Variants in SCYL3 observed in about 807,000 individuals in gnomAD.
The protein encoded by SCYL3 is SCY1 like pseudokinase 3.
A neutral mutation model predicts 73.8 loss-of-function variants in SCYL3; 35 were observed. The ratio of observed to expected loss-of-function variants is 0.47; its 90% confidence interval spans 0.36 to 0.63. The LOEUF (loss-of-function observed/expected upper bound fraction) is 0.63, where lower values mean the gene tolerates loss of function less well. SCYL3 is among the 20% of genes least tolerant of loss of function. The probability of loss-of-function intolerance (pLI) is 0.00; values close to 1 mark genes in which losing one functional copy is unlikely to be tolerated. For missense variants in SCYL3, 712 were observed against 798.9 expected, an observed-to-expected ratio of 0.89 and a Z score of 1.31; for synonymous variants, 277 against 295.2, an observed-to-expected ratio of 0.94 and a Z score of 0.63.
chr1:169,881,162 A>G (rs529832393), intron 2 of SCYL3, among the ~76,000 whole-genome samples: 7 of 152,328 alleles, frequency 4.6e-5, no homozygotes, highest in African/African-American at 1.7e-4. Flanking sequence ...TGAATGTACA[A>G]TTAATATGTA....
Position 169,852,070 on chromosome 1 carries a change from T to C in SCYL3, c.*1643A>G, listed in dbSNP as rs1481773475. 2 of 1,257,752 alleles carry C rather than the reference T, an allele frequency of 1.6e-6. No individual in the cohort carries two copies. The highest frequency in any genetic ancestry group is 3.0e-5 in the African/African-American group (2 of 67,164). The allele number at this position is 1,257,752 out of a possible 1,614,324, so 77.9% of individuals were successfully genotyped here. A position where few individuals can be genotyped will look rare whatever the true frequency, so the allele number is the denominator to read the frequency against. The stretch of plus-strand genomic sequence containing the variant: ...ATCAAATAGATCTAGACATGTAAAA[T>C]TCTGTTTTATGGTAGTTGCTTTTAA... On this transcript the variant is annotated 3_prime_UTR_variant, in exon 13 of 13. Coordinates refer to ENST00000367771, the MANE Select transcript of SCYL3 (RefSeq NM_020423.7).
intron 1 of SCYL3, 26 bp from the exon 2 acceptor site, chr1:169,888,916 A>G (rs756317760): frequency 8.4e-5 from 114 of 1,355,174 alleles, no homozygotes; most frequent in Non-Finnish European, 1.1e-4. Flanking sequence ...AAACAATTTC[A>G]AACATTAAAT....
At chr1:169,889,079 G>C (rs1477470630) in intron 1 of SCYL3, among the ~76,000 whole-genome samples, 189 bp from the exon 2 acceptor site, 3 of 152,172 alleles carry the variant, frequency 2.0e-5, no homozygotes, top group Non-Finnish European at 4.4e-5. Context: ...AACAGCTCTA[G>C]AGAAAATGCA....
intron 1 of SCYL3, among the ~76,000 whole-genome samples, chr1:169,892,302 G>A (rs892103977): frequency 6.6e-6 from 1 of 152,110 alleles, no homozygotes; most frequent in Admixed American, 6.5e-5. Context: ...TGTTGCTGCT[G>A]GCCTAGAGTG....
chr1:169,861,457 A>G (rs1659644389), intron 10 of SCYL3, among the ~76,000 whole-genome samples: 1 of 152,220 alleles, frequency 6.6e-6, no homozygotes, highest in African/African-American at 2.4e-5. Flanking sequence ...GCAGCCTCTC[A>G]GCCACCCCTT....
chr1:169,882,736 A>T (rs1001449485), intron 2 of SCYL3, among the ~76,000 whole-genome samples: 1 of 151,948 alleles, frequency 6.6e-6, no homozygotes, highest in Non-Finnish European at 1.5e-5. Context: ...GTATCTAGCT[A>T]CTCTGGTGGG....
chr1:169,870,629 AAT>A (rs1273705566), intron 5 of SCYL3, among the ~76,000 whole-genome samples: 3 of 152,230 alleles, frequency 2.0e-5, no homozygotes, highest in African/African-American at 7.2e-5. Flanking sequence ...CATGGTAAAG[AAT>A]ATGTCTTATA....
chr1:169,853,887 C>T, intron 12 of SCYL3, 115 bp from the exon 13 acceptor site: 6 of 1,124,044 alleles, frequency 5.3e-6, no homozygotes, highest in Non-Finnish European at 7.9e-6. Flanking sequence ...AGAAACACTA[C>T]CTCGTACTAA....
intron 2 of SCYL3, among the ~76,000 whole-genome samples, chr1:169,879,313 C>T (rs1661079440): frequency 6.6e-6 from 1 of 152,164 alleles, no homozygotes; most frequent in South Asian, 2.1e-4. Context: ...AAAACTTTAC[C>T]ATCTTTCTGG....
At chr1:169,864,090 A>T (rs1659854934) in intron 9 of SCYL3, among the ~76,000 whole-genome samples, 1 of 152,190 alleles carries the variant, frequency 6.6e-6, no homozygotes, top group Non-Finnish European at 1.5e-5. Context: ...TTCTTTGAAG[A>T]TGCATGCCTT....
chr1:169,889,011 G>A, intron 1 of SCYL3, 121 bp from the exon 2 acceptor site: 1 of 495,092 alleles, frequency 2.0e-6, no homozygotes. Flanking sequence ...TAGGACATTT[G>A]ACAGTAAAAA....
intron 11 of SCYL3, among the ~76,000 whole-genome samples, chr1:169,857,307 T>C (rs1464540468): frequency 6.6e-6 from 1 of 152,278 alleles, no homozygotes; most frequent in African/African-American, 2.4e-5. Flanking sequence ...TGTCTGCGGA[T>C]GCTCAAGTCT....
intron 2 of SCYL3, among the ~76,000 whole-genome samples, chr1:169,888,475 T>C (rs1661830020): frequency 6.6e-6 from 1 of 152,258 alleles, no homozygotes; most frequent in Admixed American, 6.5e-5. Flanking sequence ...ATGATGTTTT[T>C]TGGCTACAGG....
chr1:169,869,232 C>A (rs1437038883), intron 6 of SCYL3, 193 bp from the exon 7 acceptor site: 2 of 559,476 alleles, frequency 3.6e-6, no homozygotes, highest in South Asian at 2.0e-5. Flanking sequence ...CTGCCACCAC[C>A]ATCAAACCCC....
chr1:169,868,454 G>A (rs887295995), intron 7 of SCYL3, among the ~76,000 whole-genome samples: 1 of 152,168 alleles, frequency 6.6e-6, no homozygotes, highest in Non-Finnish European at 1.5e-5. Flanking sequence ...TTGTGCCCTT[G>A]CCTCTAAACC....
At chr1:169,875,955 AG>A (rs771711080) in intron 4 of SCYL3, 22 bp downstream of exon 4, 11 of 1,504,004 alleles carry the variant, frequency 7.3e-6, no homozygotes, top group Middle Eastern at 1.7e-4. Flanking sequence ...CAAGTAAGGA[AG>A]GGGGGCTGTC....
chr1:169,870,860 T>C (rs1174154203), intron 5 of SCYL3, among the ~76,000 whole-genome samples: 1 of 152,190 alleles, frequency 6.6e-6, no homozygotes, highest in Non-Finnish European at 1.5e-5. Context: ...CTGATTTGGA[T>C]AAATCTGATT....
At position 169,852,627 on chromosome 1, in the gene SCYL3, C is replaced by T. The variant is rs1658531688; in HGVS notation, c.*1086G>A. ...GCTATGATAAACCAAAATGCCTTTA[C>T]ATATTTTTCTAGATGACTGTGTAGG... is the stretch of plus-strand genomic sequence containing the variant. On this transcript the variant is annotated 3_prime_UTR_variant, in exon 13 of 13. Transcript: ENST00000367771. The T allele has an allele frequency of 1.5e-6, 1 of 671,664 alleles. No homozygotes were observed. The highest frequency in any genetic ancestry group is 2.5e-6 in the Non-Finnish European group (1 of 400,504). The allele number at this position is 671,664 out of a possible 1,614,324, so 41.6% of individuals were successfully genotyped here.
intron 7 of SCYL3, 50 bp downstream of exon 7, chr1:169,868,878 G>C: frequency 7.5e-7 from 1 of 1,337,878 alleles, no homozygotes; most frequent in Non-Finnish European, 1.1e-6. Flanking sequence ...CACAAGAGCA[G>C]GCAGCAGTGT....
Sources: allele counts gnomAD v4.1 joint callset (sites outside exome capture counted in the v4.1 genomes callset), GRCh38; gene constraint gnomAD v4.1.1; transcripts MANE v1.5; gene names NCBI Gene and HGNC (gene_info 2026-07-23, HGNC 2026-07-21).